The following ERBB4 variants were observed in gnomAD, a reference collection of about 807,000 sequenced individuals.
The protein encoded by ERBB4 is erb-b2 receptor tyrosine kinase 4, also known as receptor tyrosine-protein kinase erbB-4.
Under a neutral mutation model 158.0 loss-of-function variants are expected in ERBB4, and 42 were observed. The ratio of observed to expected loss-of-function variants is 0.27; its 90% CI spans 0.21 to 0.34. The LOEUF is 0.34. Ranked by LOEUF, ERBB4 falls within the 10% of genes least tolerant of loss-of-function variation. The probability of loss-of-function intolerance (pLI) is 1.00; values close to 1 mark genes in which losing one functional copy is unlikely to be tolerated. For missense variants in ERBB4, 1,333 were observed against 1,624.1 expected (o/e 0.82, Z 3.08); for synonymous variants, 583 against 558.7 (o/e 1.04, Z -0.61).
intron 2 of ERBB4, among the ~76,000 whole-genome samples, chr2:212,082,707 C>T (rs980944763): frequency 1.3e-5 from 2 of 151,864 alleles, no homozygotes; most frequent in African/African-American, 2.4e-5. Flanking sequence ...TTTGATGTCC[C>T]TAAAGGGTTA....
At chr2:212,008,894 T>G (rs1055207563) in intron 2 of ERBB4, among the ~76,000 whole-genome samples, 3 of 152,150 alleles carry the variant, frequency 2.0e-5, no homozygotes, top group African/African-American at 7.2e-5. Context: ...TGCTCTGACT[T>G]AGAGAACAAG....
chr2:211,832,551 A>T (rs980049406), intron 3 of ERBB4, among the ~76,000 whole-genome samples: 2 of 150,802 alleles, frequency 1.3e-5, no homozygotes, highest in African/African-American at 2.4e-5. Context: ...TGAAATAACA[A>T]TTAAATAAAT....
At chr2:211,888,876 C>T (rs1281003298) in intron 3 of ERBB4, among the ~76,000 whole-genome samples, 1 of 151,732 alleles carries the variant, frequency 6.6e-6, no homozygotes, top group East Asian at 1.9e-4. Context: ...GATTATATCC[C>T]ACACCTGGCT....
At chr2:211,843,757 C>T (rs1002456071) in intron 3 of ERBB4, among the ~76,000 whole-genome samples, 1 of 151,772 alleles carries the variant, frequency 6.6e-6, no homozygotes, top group African/African-American at 2.4e-5. Context: ...AGGCTATTTG[C>T]TCTGTATAAA....
At chr2:211,763,351 C>A (rs1221508011) in intron 4 of ERBB4, among the ~76,000 whole-genome samples, 2 of 152,082 alleles carry the variant, frequency 1.3e-5, no homozygotes, top group African/African-American at 4.8e-5. Flanking sequence ...TATATAAATT[C>A]ATAAGAAATG....
At chr2:211,782,760 G>A (rs1031501551) in intron 4 of ERBB4, among the ~76,000 whole-genome samples, 1 of 152,172 alleles carries the variant, frequency 6.6e-6, no homozygotes, top group Non-Finnish European at 1.5e-5. Context: ...GTACCATGCT[G>A]TTTGGGTTAC....
intron 3 of ERBB4, among the ~76,000 whole-genome samples, chr2:211,927,460 A>T (rs2080046490): frequency 6.6e-6 from 1 of 152,178 alleles, no homozygotes; most frequent in Non-Finnish European, 1.5e-5. Flanking sequence ...TAACACTACC[A>T]CCAAAGCAAT....
chr2:212,358,720 ATGT>A (rs2089563485), intron 1 of ERBB4, among the ~76,000 whole-genome samples: 1 of 151,800 alleles, frequency 6.6e-6, no homozygotes, highest in South Asian at 2.1e-4. Context: ...CAAAGGCTAA[ATGT>A]TGTCATTTTC....
intron 5 of ERBB4, among the ~76,000 whole-genome samples, chr2:211,726,986 C>T (rs1310225397): frequency 1.3e-5 from 2 of 152,114 alleles, no homozygotes; most frequent in Non-Finnish European, 2.9e-5. Flanking sequence ...GGCATTTCTC[C>T]ATGTTAAAAA....
intron 2 of ERBB4, among the ~76,000 whole-genome samples, chr2:211,959,882 C>A (rs2081134708): frequency 6.6e-6 from 1 of 151,930 alleles, no homozygotes; most frequent in African/African-American, 2.4e-5. Flanking sequence ...TGGAAAGGAG[C>A]AAAGGAATAA....
At chr2:212,338,536 C>A (rs1020941435) in intron 1 of ERBB4, among the ~76,000 whole-genome samples, 10 of 152,136 alleles carry the variant, frequency 6.6e-5, no homozygotes, top group African/African-American at 2.2e-4. Flanking sequence ...CCTATTTTGT[C>A]ATCTTTCTCT....
chr2:211,614,088 G>T (rs950562854), intron 19 of ERBB4, among the ~76,000 whole-genome samples: 1 of 151,686 alleles, frequency 6.6e-6, no homozygotes, highest in Non-Finnish European at 1.5e-5. Flanking sequence ...CTATTCAGCC[G>T]TAAAAAAAGA....
chr2:212,081,556 T>G (rs1157291456), intron 2 of ERBB4, among the ~76,000 whole-genome samples: 1 of 152,120 alleles, frequency 6.6e-6, no homozygotes, highest in African/African-American at 2.4e-5. Flanking sequence ...TATATGTCAA[T>G]GAGAGCTTTT....
intron 1 of ERBB4, among the ~76,000 whole-genome samples, chr2:212,319,758 T>A (rs1205349131): frequency 6.6e-6 from 1 of 150,408 alleles, no homozygotes; most frequent in Non-Finnish European, 1.5e-5. Context: ...AAAGGCTGAT[T>A]TCCAAGTTAG....
At chr2:212,078,366 G>T (rs1313496752) in intron 2 of ERBB4, among the ~76,000 whole-genome samples, 2 of 151,744 alleles carry the variant, frequency 1.3e-5, no homozygotes, top group Non-Finnish European at 2.9e-5. Flanking sequence ...TTGTTGTTGT[G>T]CACTATCTTT....
At chr2:212,206,586 G>GTTTTTTTTTTTTTTTTTTTTTTTTTT (rs1393759656) in intron 1 of ERBB4, among the ~76,000 whole-genome samples, 4 of 66,766 alleles carry the variant, frequency 6.0e-5, no homozygotes, top group African/African-American at 1.5e-4. Flanking sequence ...CGTCTGTTCT[G>GTTTTTTTTTTTTTTTTTTTTTTTTTT]TTCTTTTTTT....
intron 1 of ERBB4, among the ~76,000 whole-genome samples, chr2:212,415,122 T>C (rs918100053): frequency 6.6e-6 from 1 of 152,194 alleles, no homozygotes; most frequent in African/African-American, 2.4e-5. Flanking sequence ...GGAACCTAAT[T>C]TTCTTGTCAA....
chr2:212,217,646 C>T (rs1231994156), intron 1 of ERBB4, among the ~76,000 whole-genome samples: 1 of 151,172 alleles, frequency 6.6e-6, no homozygotes, highest in Non-Finnish European at 1.5e-5. Flanking sequence ...CTATTGTCAT[C>T]AGAACACATC....
chr2:211,771,901 T>C (rs1180120834), intron 4 of ERBB4, among the ~76,000 whole-genome samples: 1 of 152,320 alleles, frequency 6.6e-6, no homozygotes, highest in East Asian at 1.9e-4. Flanking sequence ...CAGGTGGTAG[T>C]ACCTGGTGTA....
Sources: gnomAD v4.1 joint callset for allele counts (sites outside exome capture counted in the v4.1 genomes callset) on GRCh38, gnomAD v4.1.1 for gene constraint, MANE v1.5 for transcripts, NCBI Gene and HGNC (gene_info 2026-07-23, HGNC 2026-07-21) for gene names.